Variants in STK38 observed in about 807,000 individuals in gnomAD.
STK38 encodes the protein serine/threonine kinase 38, also known as serine/threonine-protein kinase 38.
Under a neutral mutation model 59.0 loss-of-function variants are expected in STK38, and 26 were observed. The ratio of observed to expected loss-of-function variants is 0.44; its 90% CI spans 0.32 to 0.61. The LOEUF is 0.61. STK38 is among the 20% of genes least tolerant of loss of function. The pLI is 0.04. For missense variants in STK38, 433 were observed against 566.0 expected (o/e 0.76, Z 2.38); for synonymous variants, 175 against 176.6 (o/e 0.99, Z 0.07).
At chr6:36,500,209 A>G (rs1222105208) in intron 9 of STK38, among the ~76,000 whole-genome samples, 1 of 152,180 alleles carries the variant, frequency 6.6e-6, no homozygotes, top group Non-Finnish European at 1.5e-5. Flanking sequence ...ACTATGAGTC[A>G]CTAGGGCGAA....
chr6:36,527,207 A>AAAAAAAAATATATATATATAT (rs60162863), intron 2 of STK38, among the ~76,000 whole-genome samples: 2 of 119,356 alleles, frequency 1.7e-5, no homozygotes, highest in African/African-American at 7.0e-5. Context: ...AAAAAAAAAA[A>AAAAAAAAATATATATATATAT]ATATATGTAT....
intron 2 of STK38, among the ~76,000 whole-genome samples, chr6:36,530,633 C>T (rs1015762736): frequency 6.6e-6 from 1 of 150,394 alleles, no homozygotes; most frequent in Non-Finnish European, 1.5e-5. Context: ...TCAAAAAGTA[C>T]AGGGATTACA....
At chr6:36,518,419 A>C (rs1777305333) in intron 5 of STK38, among the ~76,000 whole-genome samples, 1 of 152,240 alleles carries the variant, frequency 6.6e-6, no homozygotes, top group African/African-American at 2.4e-5. Flanking sequence ...TGAAATACCT[A>C]TAAAGGACCA....
chr6:36,537,792 G>C (rs911125516), intron 2 of STK38, among the ~76,000 whole-genome samples: 2 of 151,990 alleles, frequency 1.3e-5, no homozygotes, highest in African/African-American at 2.4e-5. Flanking sequence ...CCAGCTACTT[G>C]GGAGGCTGAG....
intron 1 of STK38, among the ~76,000 whole-genome samples, chr6:36,546,126 C>A (rs74848963): frequency 0.033 from 5,097 of 152,310 alleles, 299 homozygotes; most frequent in African/African-American, 0.11. Flanking sequence ...AAACTGTAAT[C>A]TCTACCTACA....
intron 7 of STK38, among the ~76,000 whole-genome samples, chr6:36,512,849 G>A (rs935393699): frequency 6.6e-6 from 1 of 151,736 alleles, no homozygotes; most frequent in Non-Finnish European, 1.5e-5. Flanking sequence ...TAGTAGAAAT[G>A]GGGTTTCACC....
rs565928264 is a variant in STK38, at chr6:36,526,314, C to T, written c.132-672G>A. ...CTCTTATATCATGCTGTTTCTTTCC[C>T]TCTCTCTGACTGAAGTCTACTTCCT... On this transcript the variant is annotated intron_variant, in intron 2 of 13. Coordinates refer to ENST00000229812, the MANE Select transcript of STK38 (RefSeq NM_007271.4). Among the ~76,000 whole-genome samples the T allele has an allele frequency of 1.8e-3, 268 of 151,830 alleles. 1 individual carries two copies. Among genetic ancestry groups the T allele is most frequent in the African/African-American group, 6.1e-3 (252 of 41,348 alleles).
intron 7 of STK38, among the ~76,000 whole-genome samples, chr6:36,509,637 G>A (rs1438468558): frequency 6.6e-6 from 1 of 152,026 alleles, no homozygotes; most frequent in Admixed American, 6.6e-5. Flanking sequence ...TGATGACCAT[G>A]TTAATTACCC....
intron 6 of STK38, 26 bp from the exon 7 acceptor site, chr6:36,515,518 C>CCACACACACACACACA: frequency 6.5e-7 from 1 of 1,537,644 alleles, no homozygotes; most frequent in Non-Finnish European, 8.8e-7. Context: ...TACAAAGCCA[C>CCACACACACACACACA]CACACACACA....
chr6:36,498,626 T>G, intron 10 of STK38, 140 bp from the exon 11 acceptor site: 1 of 959,592 alleles, frequency 1.0e-6, no homozygotes, highest in Non-Finnish European at 1.5e-6. Flanking sequence ...CTCACTCTGT[T>G]ACCTAGGCTG....
At chr6:36,538,747 C>T (rs1414058184) in intron 2 of STK38, among the ~76,000 whole-genome samples, 2 of 151,968 alleles carry the variant, frequency 1.3e-5, no homozygotes, top group Non-Finnish European at 2.9e-5. Context: ...CAAAAATTAG[C>T]TGGGCGTGGT....
chr6:36,517,275 A>T (rs1186943564), intron 6 of STK38, among the ~76,000 whole-genome samples: 2 of 152,044 alleles, frequency 1.3e-5, no homozygotes, highest in Non-Finnish European at 2.9e-5. Flanking sequence ...GAAATGAGAA[A>T]TTTTTTCTGG....
chr6:36,514,249 G>C (rs1439047546), intron 7 of STK38, among the ~76,000 whole-genome samples: 12 of 146,986 alleles, frequency 8.2e-5, no homozygotes, highest in African/African-American at 3.0e-4. Context: ...CCAAGAATTA[G>C]ATTGCAGTGA....
At chr6:36,505,624 T>C (rs1434403361) in intron 9 of STK38, among the ~76,000 whole-genome samples, 1 of 152,202 alleles carries the variant, frequency 6.6e-6, no homozygotes, top group African/African-American at 2.4e-5. Context: ...ACACAGTATT[T>C]GGTAAACTTG....
At position 36,513,347 on chromosome 6, in the gene STK38, G is replaced by A. The variant is rs1220745007; in HGVS notation, c.669+1991C>T. On this transcript the variant is annotated intron_variant, in intron 7 of 13. Coordinates refer to ENST00000229812, the MANE Select transcript of STK38 (RefSeq NM_007271.4). The stretch of plus-strand genomic sequence containing the variant: ...TTTTTTTTTTTTGAGAAGGAGTCTC[G>A]CTCTGTCACCAGGCTAGAGCACAGT... Among the ~76,000 whole-genome samples, 23 of 122,050 alleles carry A rather than the reference G, an allele frequency of 1.9e-4. No individual in the cohort carries two copies. In the Admixed American group the frequency reaches 2.0e-3, roughly 11 times the overall value. 80.1% of individuals were successfully genotyped at this position (122,050 alleles called of 152,430 possible). A position where few individuals can be genotyped will look rare whatever the true frequency, so the allele number is the denominator to read the frequency against.
chr6:36,541,831 C>CTTTTTTTTTTTTTTTTTT (rs58320889), intron 1 of STK38, among the ~76,000 whole-genome samples: 1 of 135,940 alleles, frequency 7.4e-6, no homozygotes. Flanking sequence ...TTTTCTTTTT[C>CTTTTTTTTTTTTTTTTTT]TTTTTTTTTT....
chr6:36,545,133 T>C (rs1778028120), intron 1 of STK38, among the ~76,000 whole-genome samples: 1 of 150,382 alleles, frequency 6.6e-6, no homozygotes, highest in African/African-American at 2.4e-5. Flanking sequence ...CTACTAAAAA[T>C]ACAAAAAAAA....
intron 2 of STK38, among the ~76,000 whole-genome samples, chr6:36,538,201 G>C (rs1395161792): frequency 6.6e-6 from 1 of 152,050 alleles, no homozygotes; most frequent in African/African-American, 2.4e-5. Flanking sequence ...CTACTCGGGA[G>C]GCTAAGGTGG....
intron 9 of STK38, 74 bp downstream of exon 9, chr6:36,506,508 CA>C: frequency 1.3e-6 from 2 of 1,499,700 alleles, no homozygotes; most frequent in East Asian, 4.5e-5. Context: ...TTGTCAAATG[CA>C]AATTTATGTG....
Sources: gnomAD v4.1 joint callset for allele counts (sites outside exome capture counted in the v4.1 genomes callset) on GRCh38, gnomAD v4.1.1 for gene constraint, MANE v1.5 for transcripts, NCBI Gene and HGNC (gene_info 2026-07-23, HGNC 2026-07-21) for gene names.